Variants in HEXB observed in about 807,000 individuals in gnomAD.
HEXB encodes the protein hexosaminidase subunit beta, also known as beta-hexosaminidase subunit beta.
A neutral mutation model predicts 71.2 loss-of-function variants in HEXB; 51 were observed. The observed-to-expected ratio is 0.72, with a 90% CI of 0.57 to 0.90. HEXB has a LOEUF of 0.90. Among genes scored for constraint, HEXB ranks in the 40% least tolerant of loss-of-function variants. HEXB has a pLI of 0.00. For missense variants in HEXB, 617 were observed against 677.0 expected (o/e 0.91, Z 0.98); for synonymous variants, 266 against 249.3 (o/e 1.07, Z -0.63).
chr5:74,704,907 C>T (rs941203990), intron 5 of HEXB, among the ~76,000 whole-genome samples: 1 of 151,964 alleles, frequency 6.6e-6, no homozygotes, highest in Non-Finnish European at 1.5e-5. Context: ...GCCTGGGCAA[C>T]ATGGCAAAAC....
chr5:74,685,170 C>T, upstream of HEXB: 1 of 1,350,102 alleles, frequency 7.4e-7, no homozygotes, highest in Non-Finnish European at 9.6e-7. Context: ...GTGACTCACC[C>T]GCGGCCGCGC....
At chr5:74,717,529 G>A (rs1032104872) in intron 9 of HEXB, among the ~76,000 whole-genome samples, 16 of 151,052 alleles carry the variant, frequency 1.1e-4, no homozygotes, top group Admixed American at 3.3e-4. Context: ...CTACTAGACC[G>A]TGCTGCTCTA....
intron 1 of HEXB, among the ~76,000 whole-genome samples, chr5:74,658,575 A>C (rs1720424043): frequency 2.6e-5 from 4 of 151,912 alleles, no homozygotes; most frequent in African/African-American, 9.7e-5. Context: ...TCAGTCATGC[A>C]TATGTCTCGG....
chr5:74,716,637 C>T lies in HEXB; in HGVS notation c.1133C>T (p.Thr378Ile). ...TTCATGAGGCAAAAAGGCTTTGGCA[C>T]AGATTTTAAGAAACTAGAATCTTTC... ...QDFMRQKGFG[T>I]DFKKLESFYI... The change falls in exon 9 of 14, where the codon ACA becomes ATA. Residue 378 changes from threonine to isoleucine, a missense_variant. Thr to Ile is a moderately conservative substitution (Grantham distance 89). Transcript: ENST00000261416. The T allele has an allele frequency of 1.2e-6, 2 of 1,609,650 alleles. No homozygotes were observed. The highest frequency in any genetic ancestry group is 1.7e-6 in the Non-Finnish European group (2 of 1,177,742).
intron 1 of HEXB, among the ~76,000 whole-genome samples, chr5:74,650,692 C>T (rs1182509792): frequency 6.6e-6 from 1 of 151,814 alleles, no homozygotes; most frequent in African/African-American, 2.4e-5. Flanking sequence ...GAGGCCAAGG[C>T]GGGTGGATCA....
In HEXB at chr5:74,674,171, T is replaced by G. The variant is rs543281953; in HGVS notation, c.-376-15157T>G. On this transcript the variant is annotated intron_variant, in intron 1 of 13. Transcript: ENST00000511181. Reference sequence around the variant, plus strand: ...AATTTAATTGGCTATAGGCCATGTTTCTTTTTGAGAAGGGTACATTTGACA... The same window carrying G: ...AATTTAATTGGCTATAGGCCATGTTGCTTTTTGAGAAGGGTACATTTGACA... 4.7e-4 allele frequency among the ~76,000 whole-genome samples: 72 copies of G among 152,368 alleles called. No individual in the cohort carries two copies. The Middle Eastern group carries it at 0.01, about 22-fold the overall frequency.
At chr5:74,685,160 G>A (rs1215687072), upstream of HEXB, 2 of 1,287,000 alleles carry the variant, frequency 1.6e-6, no homozygotes, top group Non-Finnish European at 2.0e-6. Flanking sequence ...ATCTGACTCG[G>A]TGACTCACCC....
intron 1 of HEXB, among the ~76,000 whole-genome samples, chr5:74,678,694 A>G (rs1045651384): frequency 2.6e-5 from 4 of 152,190 alleles, no homozygotes; most frequent in Admixed American, 1.3e-4. Flanking sequence ...CCATAAAAGG[A>G]AGACTGACAA....
rs544324815 is a variant in HEXB at position 74,652,648 on chromosome 5, C to A, written c.-377+12090C>A. 5.3e-5 allele frequency among the ~76,000 whole-genome samples: 8 copies of A among 152,280 alleles called. No homozygotes were observed. The highest frequency in any genetic ancestry group is 1.7e-4 in the African/African-American group (7 of 41,548). ...ATTTGAGTCATGTAAGGGATTCCCT[C>A]CCTTACCCCCACTACCCCCAGGATT... On this transcript the variant is annotated intron_variant, in intron 1 of 13. Coordinates refer to the HEXB transcript ENST00000511181. This position sits in a 1 kb window ranked among gnomAD's most constrained non-coding sequence, Gnocchi z 5.4.
chr5:74,713,459 C>A, intron 6 of HEXB, 47 bp from the exon 7 acceptor site: 1 of 1,586,998 alleles, frequency 6.3e-7, no homozygotes, highest in Non-Finnish European at 8.6e-7. Flanking sequence ...TTTCCAGGAT[C>A]AAATCTACGT....
At position 74,642,030 on chromosome 5, in the gene HEXB, C is replaced by G. The variant is rs550829204; in HGVS notation, c.-377+1472C>G. Among the ~76,000 whole-genome samples the G allele has an allele frequency of 9.2e-4, 140 of 152,298 alleles. 2 individuals carry two copies. Among genetic ancestry groups the G allele is most frequent in the African/African-American group, 3.2e-3 (131 of 41,574 alleles). On this transcript the variant is annotated intron_variant, in intron 1 of 13. Transcript: ENST00000511181. ...TCGCCTCCCAGCTTGCTTTAAAACA[C>G]TAGGCGCAGGAGCGATTTAAACTGG...
chr5:74,665,402 G>A (rs921953082), intron 1 of HEXB, among the ~76,000 whole-genome samples: 6 of 145,470 alleles, frequency 4.1e-5, no homozygotes, highest in South Asian at 2.3e-4. Flanking sequence ...TCATGCCCAC[G>A]CACACTTTTC....
intron 1 of HEXB, among the ~76,000 whole-genome samples, chr5:74,669,141 T>C (rs1748488240): frequency 6.6e-6 from 1 of 152,050 alleles, no homozygotes; most frequent in Admixed American, 6.6e-5. Flanking sequence ...TTAATAGAAA[T>C]GGGATTTCAC....
chr5:74,708,356 T>C (rs888363619), intron 6 of HEXB, among the ~76,000 whole-genome samples: 7 of 151,088 alleles, frequency 4.6e-5, no homozygotes, highest in East Asian at 3.9e-4. Context: ...GTAAAGACCA[T>C]CGAGACTAGG....
At chr5:74,697,727 CAAAAA>C (rs34363294) in intron 5 of HEXB, among the ~76,000 whole-genome samples, 1 of 110,446 alleles carries the variant, frequency 9.1e-6, no homozygotes, top group Non-Finnish European at 1.8e-5. Context: ...GACTCTGTCT[CAAAAA>C]AAAAAAAAAA....
At chr5:74,690,789 A>G (rs1748985753) in intron 2 of HEXB, among the ~76,000 whole-genome samples, 1 of 152,016 alleles carries the variant, frequency 6.6e-6, no homozygotes, top group Admixed American at 6.6e-5. Flanking sequence ...CTGCTGGTTT[A>G]GATGAGATTT....
intron 1 of HEXB, 63 bp downstream of exon 1, chr5:74,685,622 G>GCGCTGTGCAGACCCTCACCACCC (rs1748849447): frequency 6.9e-7 from 1 of 1,442,170 alleles, no homozygotes; most frequent in African/African-American, 1.5e-5. Flanking sequence ...CCACCCCGGA[G>GCGCTGTGCAGACCCTCACCACCC]CGCTGTGCAG....
At chr5:74,680,518 G>A (rs1748719409), upstream of HEXB, among the ~76,000 whole-genome samples, 1 of 152,202 alleles carries the variant, frequency 6.6e-6, no homozygotes, top group Non-Finnish European at 1.5e-5. Flanking sequence ...TAACATTCTG[G>A]ATTTCAAGCT....
chr5:74,692,374 C>T lies in HEXB; in HGVS notation c.446-1265C>T, dbSNP rs189708155. 1.6e-3 allele frequency among the ~76,000 whole-genome samples: 235 copies of T among 151,602 alleles called. 2 individuals carry two copies. The highest frequency in any genetic ancestry group is 5.3e-3 in the African/African-American group (221 of 41,372). On this transcript the variant is annotated intron_variant, in intron 2 of 13. Transcript: ENST00000261416. ...AAAAGAAAGAGAAAAATTAGCCAGGCGTGGTGGCACATGCCTACAGTCCCA... is the reference window on the plus strand; with the variant it reads ...AAAAGAAAGAGAAAAATTAGCCAGGTGTGGTGGCACATGCCTACAGTCCCA...
Sources: gnomAD v4.1 joint callset for allele counts (sites outside exome capture counted in the v4.1 genomes callset) on GRCh38, gnomAD v4.1.1 for gene constraint, Gnocchi (gnomAD v3.1) non-coding constraint, MANE v1.5 for transcripts, NCBI Gene and HGNC (gene_info 2026-07-23, HGNC 2026-07-21) for gene names.